The following KCNIP4 variants were observed in gnomAD, a reference collection of about 807,000 sequenced individuals.
KCNIP4 encodes the protein potassium voltage-gated channel interacting protein 4.
In KCNIP4, 12 loss-of-function variants were observed where a neutral mutation model predicts 34.0. That is an observed-to-expected ratio of 0.35 (90% CI 0.23 to 0.57). KCNIP4 has a LOEUF of 0.57. Ranked by LOEUF, KCNIP4 falls within the 20% of genes least tolerant of loss-of-function variation. The pLI is 0.83. For missense variants in KCNIP4, 238 were observed against 311.7 expected, an observed-to-expected ratio of 0.76 and a Z score of 1.78; for synonymous variants, 124 against 102.2, an observed-to-expected ratio of 1.21 and a Z score of -1.29.
At chr4:20,851,442 G>A (rs10938811) in intron 2 of KCNIP4, among the ~76,000 whole-genome samples, 53,215 of 151,988 alleles carry the variant, frequency 0.35, 10,376 homozygotes, top group Admixed American at 0.46. Flanking sequence ...ATTGGTGGGC[G>A]GTTAGGTTGA....
In KCNIP4 at chr4:21,837,293, G is replaced by T. The variant is rs568260630; in HGVS notation, c.61+111278C>A. 2.1e-3 allele frequency among the ~76,000 whole-genome samples: 319 copies of T among 150,580 alleles called. 3 individuals carry two copies. Among genetic ancestry groups the T allele is most frequent in the African/African-American group, 7.4e-3 (307 of 41,356 alleles). ...TCACGCCTGTAATCCCAGCACTTTG[G>T]GGGGCCAAGGTGGGTGGATCACCTG... On this transcript the variant is annotated intron_variant, in intron 1 of 8. Coordinates refer to ENST00000382152, the MANE Select transcript of KCNIP4 (RefSeq NM_025221.6).
intron 1 of KCNIP4, among the ~76,000 whole-genome samples, chr4:21,061,552 G>A (rs1404088883): frequency 6.6e-6 from 1 of 152,146 alleles, no homozygotes; most frequent in Non-Finnish European, 1.5e-5. Context: ...GAAGCAAGTA[G>A]AAAGGGGTTT....
At chr4:21,752,431 C>T (rs1717212295) in intron 1 of KCNIP4, among the ~76,000 whole-genome samples, 1 of 152,014 alleles carries the variant, frequency 6.6e-6, no homozygotes. Flanking sequence ...CTCATGAGAG[C>T]TCACTTCACT....
intron 1 of KCNIP4, among the ~76,000 whole-genome samples, chr4:21,604,022 A>T (rs1380078691): frequency 1.3e-5 from 2 of 152,146 alleles, no homozygotes. Flanking sequence ...GGGAAATCTA[A>T]GATTTTTTTC....
chr4:21,229,875 A>G (rs570963318), intron 1 of KCNIP4, among the ~76,000 whole-genome samples: 14 of 152,262 alleles, frequency 9.2e-5, no homozygotes, highest in Admixed American at 1.3e-4. Flanking sequence ...GCTGTAATCT[A>G]CTTGTTGTAT....
intron 1 of KCNIP4, among the ~76,000 whole-genome samples, chr4:21,181,197 T>C (rs1362657384): frequency 2.0e-5 from 3 of 152,098 alleles, no homozygotes; most frequent in African/African-American, 7.2e-5. Flanking sequence ...AGTCTTACAA[T>C]GTTAGCTAGT....
chr4:20,929,295 A>G (rs947951582), intron 1 of KCNIP4, among the ~76,000 whole-genome samples: 1 of 152,066 alleles, frequency 6.6e-6, no homozygotes, highest in African/African-American at 2.4e-5. Context: ...AATTTTCTCA[A>G]TCAACACAGA....
intron 1 of KCNIP4, among the ~76,000 whole-genome samples, chr4:21,520,041 C>T (rs756365085): frequency 8.6e-5 from 13 of 151,844 alleles, no homozygotes; most frequent in Admixed American, 7.2e-4. Flanking sequence ...AAGCATCCAG[C>T]GCAGGAGAAG....
At chr4:21,845,868 T>C (rs1327647173) in intron 1 of KCNIP4, 6 of 151,930 alleles carry the variant, frequency 3.9e-5, no homozygotes, top group African/African-American at 1.4e-4. Flanking sequence ...TCACAAAATA[T>C]TTTAGTTTTT....
intron 1 of KCNIP4, among the ~76,000 whole-genome samples, chr4:21,732,472 C>T (rs1375734212): frequency 6.6e-6 from 1 of 152,134 alleles, no homozygotes; most frequent in African/African-American, 2.4e-5. Context: ...TGAAGCTCTG[C>T]ATTTTTATTA....
At chr4:21,280,051 G>C (rs1762682132) in intron 1 of KCNIP4, among the ~76,000 whole-genome samples, 1 of 152,242 alleles carries the variant, frequency 6.6e-6, no homozygotes, top group African/African-American at 2.4e-5. Flanking sequence ...TAGTCACTCA[G>C]TTTGTCTAAA....
intron 1 of KCNIP4, among the ~76,000 whole-genome samples, chr4:21,439,733 T>G (rs1727285607): frequency 7.2e-6 from 1 of 138,448 alleles, no homozygotes; most frequent in African/African-American, 2.8e-5. Flanking sequence ...ATTTTATGAG[T>G]GAAAGATGCT....
intron 1 of KCNIP4, among the ~76,000 whole-genome samples, chr4:21,262,709 C>T (rs184161392): frequency 6.6e-6 from 1 of 152,198 alleles, no homozygotes; most frequent in South Asian, 2.1e-4. Context: ...AATCTCATCT[C>T]AGGATCTGCT....
intron 3 of KCNIP4, among the ~76,000 whole-genome samples, chr4:20,797,361 T>C (rs566104964): frequency 1.4e-4 from 21 of 152,264 alleles, no homozygotes; most frequent in African/African-American, 4.6e-4. Context: ...GAGAGAATAA[T>C]AGTACACCCT....
chr4:21,693,095 A>T (rs1445016427), intron 1 of KCNIP4, among the ~76,000 whole-genome samples: 2 of 100,420 alleles, frequency 2.0e-5, no homozygotes, highest in Non-Finnish European at 4.5e-5. Context: ...GATTTTGCTT[A>T]GGATCACCTC....
intron 1 of KCNIP4, among the ~76,000 whole-genome samples, chr4:21,900,794 T>G (rs1470661415): frequency 6.6e-6 from 1 of 152,196 alleles, no homozygotes; most frequent in African/African-American, 2.4e-5. Context: ...TGTTCTCCAT[T>G]GCAGTAAGTA....
At chr4:21,540,848 G>A (rs114067797) in intron 1 of KCNIP4, among the ~76,000 whole-genome samples, 65 of 152,146 alleles carry the variant, frequency 4.3e-4, no homozygotes, top group Middle Eastern at 3.4e-3. Flanking sequence ...ATTATTTAGA[G>A]TGTTTTAAAG....
At chr4:20,788,274 T>C (rs79379692) in intron 3 of KCNIP4, among the ~76,000 whole-genome samples, 8,535 of 152,226 alleles carry the variant, frequency 0.056, 289 homozygotes, top group African/African-American at 0.076. Flanking sequence ...ATAATCTACA[T>C]GACAATGAAA....
intron 1 of KCNIP4, among the ~76,000 whole-genome samples, chr4:21,853,879 T>C (rs116834308): frequency 9.1e-4 from 138 of 152,320 alleles, no homozygotes; most frequent in African/African-American, 3.1e-3. Context: ...AATAAAGAGT[T>C]TGGGGTCATG....
Sources: allele counts gnomAD v4.1 joint callset (sites outside exome capture counted in the v4.1 genomes callset), GRCh38; gene constraint gnomAD v4.1.1; transcripts MANE v1.5; gene names NCBI Gene and HGNC (gene_info 2026-07-23, HGNC 2026-07-21).